The following CNTNAP2 variants were observed in gnomAD, a reference collection of about 807,000 sequenced individuals.
CNTNAP2 encodes the protein contactin-associated protein-like 2.
In CNTNAP2, 98 loss-of-function variants were observed where a neutral mutation model predicts 155.2. That is an observed-to-expected ratio of 0.63 (90% CI 0.54 to 0.75). CNTNAP2 has a LOEUF of 0.75. Ranked by LOEUF, CNTNAP2 falls within the 30% of genes least tolerant of loss-of-function variation. CNTNAP2 has a pLI of 0.00. For synonymous variants in CNTNAP2, 651 were observed against 631.2 expected (o/e 1.03, Z -0.47); for missense variants, 1,727 against 1,688.1 (o/e 1.02, Z -0.40).
intron 9 of CNTNAP2, among the ~76,000 whole-genome samples, chr7:147,329,959 T>C (rs1795527378): frequency 6.6e-6 from 1 of 152,170 alleles, no homozygotes; most frequent in Admixed American, 6.5e-5. Context: ...ATTTGGCCTT[T>C]GGCTCTGACT....
intron 13 of CNTNAP2, among the ~76,000 whole-genome samples, chr7:147,796,592 A>C (rs1797898995): frequency 6.6e-6 from 1 of 152,100 alleles, no homozygotes; most frequent in African/African-American, 2.4e-5. Flanking sequence ...TAAAAAAAAA[A>C]AACATAAAAC....
chr7:146,257,618 A>C (rs1263040720), intron 1 of CNTNAP2, among the ~76,000 whole-genome samples: 1 of 152,200 alleles, frequency 6.6e-6, no homozygotes, highest in East Asian at 1.9e-4. Flanking sequence ...GCAGAATATG[A>C]ACATGGAAGC....
intron 21 of CNTNAP2, among the ~76,000 whole-genome samples, chr7:148,312,533 T>G (rs1402508944): frequency 2.0e-5 from 3 of 152,038 alleles, no homozygotes; most frequent in Non-Finnish European, 4.4e-5. Flanking sequence ...GAAAGCATGT[T>G]TGAGATCCAG....
chr7:147,123,106 A>AT (rs1178445215), intron 6 of CNTNAP2, among the ~76,000 whole-genome samples: 3 of 152,136 alleles, frequency 2.0e-5, no homozygotes, highest in Admixed American at 6.5e-5. Context: ...ATTGGAAAGT[A>AT]TTTTATCCCT....
chr7:148,333,566 G>C (rs908092426), intron 21 of CNTNAP2, among the ~76,000 whole-genome samples: 4 of 152,180 alleles, frequency 2.6e-5, no homozygotes, highest in Non-Finnish European at 4.4e-5. Flanking sequence ...ACTACGAAAG[G>C]CTACCAGAAA....
chr7:147,397,869 G>A (rs10272638), intron 10 of CNTNAP2, among the ~76,000 whole-genome samples: 37,638 of 151,366 alleles, frequency 0.25, 5,404 homozygotes, highest in African/African-American at 0.39. Context: ...TTATTCTTTA[G>A]GATGACAAAT....
At chr7:148,290,913 A>G (rs534487726) in intron 21 of CNTNAP2, among the ~76,000 whole-genome samples, 111 of 152,282 alleles carry the variant, frequency 7.3e-4, no homozygotes, top group African/African-American at 2.7e-3. Flanking sequence ...ATTTATACCC[A>G]TGAGGATATT....
intron 21 of CNTNAP2, among the ~76,000 whole-genome samples, chr7:148,294,654 G>C (rs1043772135): frequency 1.3e-5 from 2 of 152,094 alleles, no homozygotes; most frequent in African/African-American, 4.8e-5. Context: ...ATTGTACCTA[G>C]TATGATCAAC....
chr7:148,220,421 T>G (rs1795725355), intron 19 of CNTNAP2, among the ~76,000 whole-genome samples: 1 of 152,128 alleles, frequency 6.6e-6, no homozygotes, highest in South Asian at 2.1e-4. Flanking sequence ...ATGTTAACTA[T>G]GAAAATAAAA....
chr7:146,999,980 T>C (rs1798391270), intron 3 of CNTNAP2, among the ~76,000 whole-genome samples: 1 of 151,614 alleles, frequency 6.6e-6, no homozygotes. Context: ...CTGTCATTGC[T>C]TTTTTTTGAA....
intron 12 of CNTNAP2, among the ~76,000 whole-genome samples, chr7:147,619,161 G>A (rs972154455): frequency 4.6e-5 from 7 of 152,192 alleles, no homozygotes; most frequent in African/African-American, 1.2e-4. Flanking sequence ...TCATAACATA[G>A]TAATCCAAAG....
intron 23 of CNTNAP2, among the ~76,000 whole-genome samples, chr7:148,413,592 T>C (rs1289721709): frequency 6.6e-6 from 1 of 151,256 alleles, no homozygotes; most frequent in Non-Finnish European, 1.5e-5. Context: ...TAATGCTTGT[T>C]AGTAGTATTG....
At chr7:146,350,656 T>A (rs1239749636) in intron 1 of CNTNAP2, among the ~76,000 whole-genome samples, 5 of 152,080 alleles carry the variant, frequency 3.3e-5, no homozygotes. Context: ...AAATACCATT[T>A]GACCCAGCCA....
At chr7:147,491,369 C>G (rs754467791) in intron 11 of CNTNAP2, among the ~76,000 whole-genome samples, 3 of 152,110 alleles carry the variant, frequency 2.0e-5, no homozygotes, top group Non-Finnish European at 4.4e-5. Context: ...TTGTCTAGTA[C>G]ATTTCTACTC....
At chr7:147,082,129 A>C (rs997678043) in intron 4 of CNTNAP2, 1 of 152,238 alleles carries the variant, frequency 6.6e-6, no homozygotes, top group Non-Finnish European at 1.5e-5. Flanking sequence ...GAATTCAGCC[A>C]CTGGCTGGGC....
chr7:147,310,225 C>A (rs904506655), intron 9 of CNTNAP2, among the ~76,000 whole-genome samples: 2 of 152,038 alleles, frequency 1.3e-5, no homozygotes, highest in African/African-American at 4.8e-5. Flanking sequence ...CTGGCTCTTA[C>A]AACTGGCTTG....
intron 8 of CNTNAP2, among the ~76,000 whole-genome samples, chr7:147,210,621 C>A (rs541824935): frequency 6.6e-6 from 1 of 151,802 alleles, no homozygotes; most frequent in Non-Finnish European, 1.5e-5. Context: ...TCTTTCTTTT[C>A]TTCTGCTGGC....
chr7:146,894,841 G>A (rs565470209), intron 3 of CNTNAP2, among the ~76,000 whole-genome samples: 3 of 152,226 alleles, frequency 2.0e-5, no homozygotes, highest in African/African-American at 4.8e-5. Flanking sequence ...GCTGATGGCC[G>A]ACCTTGACTG....
At chr7:146,634,760 G>T (rs1799570045) in intron 1 of CNTNAP2, among the ~76,000 whole-genome samples, 1 of 152,062 alleles carries the variant, frequency 6.6e-6, no homozygotes, top group Non-Finnish European at 1.5e-5. Flanking sequence ...GTTACTTTTT[G>T]TAAAATCTTC....
Sources: gnomAD v4.1 joint callset for allele counts (sites outside exome capture counted in the v4.1 genomes callset) on GRCh38, gnomAD v4.1.1 for gene constraint, MANE v1.5 for transcripts, NCBI Gene and HGNC (gene_info 2026-07-23, HGNC 2026-07-21) for gene names.